STAB1: variants seen among roughly 807,000 people sequenced by gnomAD.
The protein encoded by STAB1 is stabilin-1.
A neutral mutation model predicts 332.4 loss-of-function variants in STAB1; 250 were observed. That is an observed-to-expected ratio of 0.75 (90% CI 0.68 to 0.84). The LOEUF (loss-of-function observed/expected upper bound fraction) is 0.84. Ranked by LOEUF, STAB1 falls within the 40% of genes least tolerant of loss-of-function variation. The probability of loss-of-function intolerance (pLI) is 0.00; values close to 1 mark genes in which losing one functional copy is unlikely to be tolerated. For missense variants in STAB1, 3,249 were observed against 3,489.7 expected (o/e 0.93, Z 1.74); for synonymous variants, 1,475 against 1,390.4 (o/e 1.06, Z -1.35).
intron 1 of STAB1, among the ~76,000 whole-genome samples, chr3:52,499,178 C>T (rs1279083802): frequency 6.6e-6 from 1 of 152,266 alleles, no homozygotes; most frequent in Admixed American, 6.5e-5. Context: ...CCAAAGCCTC[C>T]CAAACACCTC....
chr3:52,521,878 C>A lies in STAB1; in HGVS notation c.6198C>A (p.Pro2066=). 1 of 1,605,528 alleles carries A rather than the reference C, an allele frequency of 6.2e-7. No individual in the cohort carries two copies. The highest frequency in any genetic ancestry group is 8.5e-7 in the Non-Finnish European group (1 of 1,174,986). Residue 2066 remains proline, a synonymous_variant, in exon 58 of 69, where the codon CCC becomes CCA. Transcript: ENST00000321725. ...LQPVCTPPCA[P]EAVCRAGNSC... ...CTGTGTGTACCCCACCCTGTGCACCCGAGGCTGTGTGCCGTGCAGGCAACA... is the reference window on the plus strand; with the variant it reads ...CTGTGTGTACCCCACCCTGTGCACCAGAGGCTGTGTGCCGTGCAGGCAACA...
intron 10 of STAB1, 152 bp downstream of exon 10, chr3:52,504,307 G>A: frequency 7.0e-7 from 1 of 1,422,056 alleles, no homozygotes; most frequent in Non-Finnish European, 9.5e-7. Context: ...GGGGGTGGGA[G>A]CTGCTCTCCA....
At chr3:52,506,878 C>G in intron 18 of STAB1, 28 bp downstream of exon 18, 2 of 1,609,472 alleles carry the variant, frequency 1.2e-6, no homozygotes, top group Non-Finnish European at 1.7e-6. Flanking sequence ...GGCCAGGGCC[C>G]TACTCACTAA....
At chr3:52,521,977 G>A (rs2079088045) in intron 58 of STAB1, 26 bp downstream of exon 58, 4 of 1,606,846 alleles carry the variant, frequency 2.5e-6, no homozygotes, top group Middle Eastern at 1.7e-4. Context: ...GGGACATGGA[G>A]GTGGGAGGCC....
chr3:52,516,262 G>A (rs754724516), intron 38 of STAB1, 24 bp downstream of exon 38: 3 of 1,587,530 alleles, frequency 1.9e-6, no homozygotes, highest in Non-Finnish European at 2.6e-6. Flanking sequence ...AGGGGCGGGG[G>A]TGGGCCTCCT....
Position 52,522,106 on chromosome 3 carries a change from T to C in STAB1, c.6341T>C (p.Met2114Thr). 9 of 1,613,114 alleles carry C rather than the reference T, an allele frequency of 5.6e-6. No individual in the cohort carries two copies. Among genetic ancestry groups the C allele is most frequent in the Non-Finnish European group, 7.6e-6 (9 of 1,180,012 alleles). The change falls in exon 59 of 69, where the codon ATG (methionine) becomes ACG (threonine). Residue 2114 changes from methionine (M) to threonine (T), a missense_variant. Met to Thr is a moderately conservative substitution (Grantham distance 81). Coordinates refer to ENST00000321725, the MANE Select transcript of STAB1 (RefSeq NM_015136.3). ...EHANCSQVGT[M>T]VTCTCLPDYE... ...GCCAACTGTAGCCAGGTAGGAACAATGGTCACTTGTACCTGCCTGCCCGAC... is the reference window on the plus strand; with the variant it reads ...GCCAACTGTAGCCAGGTAGGAACAACGGTCACTTGTACCTGCCTGCCCGAC...
chr3:52,501,865 C>T (rs1042915858), intron 3 of STAB1, 112 bp downstream of exon 3: 2 of 1,363,184 alleles, frequency 1.5e-6, no homozygotes, highest in Non-Finnish European at 2.0e-6. Flanking sequence ...TTAATTAATA[C>T]TCACCGAGCG....
chr3:52,514,934 G>A lies in STAB1; in HGVS notation c.3808-55G>A, dbSNP rs1031717137. 18 of 1,612,290 alleles carry A rather than the reference G, an allele frequency of 1.1e-5. No individual in the cohort carries two copies. The African/African-American group carries it at 2.3e-4, about 20-fold the overall frequency. On this transcript the variant is annotated intron_variant, in intron 35 of 68. Transcript: ENST00000321725. The stretch of plus-strand genomic sequence containing the variant: ...GGCGCATGGTCAGTCTGTCCTGGAG[G>A]AAGGGCAGGGATCCAGGCCTGGACT...
intron 63 of STAB1, 25 bp from the exon 64 acceptor site, chr3:52,523,197 T>C (rs1242088805): frequency 1.2e-6 from 2 of 1,612,672 alleles, no homozygotes; most frequent in Non-Finnish European, 1.7e-6. Context: ...AGCCTGCTCA[T>C]AGTTCTGTCT....
At position 52,495,623 on chromosome 3, in the gene STAB1, G is replaced by C. The variant is rs546277634; in HGVS notation, c.78+132G>C. 99 of 810,248 alleles carry C rather than the reference G, an allele frequency of 1.2e-4. No individual in the cohort carries two copies. In the African/African-American group the frequency reaches 1.6e-3, roughly 13 times the overall value. 50.2% of individuals were successfully genotyped at this position (810,248 alleles called of 1,614,324 possible). On this transcript the variant is annotated intron_variant, in intron 1 of 68. Transcript: ENST00000321725. ...CAGCTGGCGCCTGTCTGGCCTCTTAGCAGGCCTGGGGGCTGGCTATTGTGC... is the reference window on the plus strand; with the variant it reads ...CAGCTGGCGCCTGTCTGGCCTCTTACCAGGCCTGGGGGCTGGCTATTGTGC...
intron 9 of STAB1, 39 bp from the exon 10 acceptor site, chr3:52,503,989 C>T (rs745628931): frequency 6.2e-7 from 1 of 1,609,642 alleles, no homozygotes; most frequent in Non-Finnish European, 8.5e-7. Context: ...TGGGGGGGGC[C>T]TCAGCCTCCG....
At position 52,522,946 on chromosome 3, in the gene STAB1, TCCACCCGA is replaced by T; in HGVS notation, c.6910+10_6910+17del. On this transcript the variant is annotated splice_region_variant and intron_variant, in intron 62 of 68. Transcript: ENST00000321725. ...CTACTGCTTCCGTGTGCAAGGTGTG[TCCACCCGA>T]CCAAACCCTACTTCCCCTGCTCTGC... The T allele has an allele frequency of 1.2e-6, 2 of 1,611,392 alleles. No individual in the cohort carries two copies. The highest frequency in any genetic ancestry group is 1.7e-6 in the Non-Finnish European group (2 of 1,178,458).
chr3:52,505,114 GC>G lies in STAB1; in HGVS notation c.1494del (p.Ser499LeufsTer61). 10 of 1,613,284 alleles carry G rather than the reference GC, an allele frequency of 6.2e-6. No homozygotes were observed. The highest frequency in any genetic ancestry group is 8.5e-6 in the Non-Finnish European group (10 of 1,179,906). On this transcript the variant is annotated frameshift_variant, in exon 13 of 69. Transcript: ENST00000321725. LOFTEE classifies it high-confidence loss of function. ...FHVVTGLRWQ[A>X]PSGTPGDPKR... is the part of the protein sequence containing the mutation. ...CGTGGTCACTGGCCTGCGGTGGCAG[GC>G]CCCCTCTGGGACCCCTGGGGATCCC...
At position 52,507,676 on chromosome 3, in the gene STAB1, G is replaced by C. The variant is rs149181786; in HGVS notation, c.2052+1G>C. 1 of 1,613,558 alleles carries C rather than the reference G, an allele frequency of 6.2e-7. No homozygotes were observed. The highest frequency in any genetic ancestry group is 8.5e-7 in the Non-Finnish European group (1 of 1,180,010). ...GTGTCCCCCCAACAGTGTGAAGCTG[G>C]TGAGCACACCTTGGCCCAGCTCTCA... is the stretch of plus-strand genomic sequence containing the variant. On this transcript the variant is annotated splice_donor_variant, in intron 19 of 68. Transcript: ENST00000321725. LOFTEE classifies it high-confidence loss of function.
chr3:52,496,772 G>T (rs950407918), intron 1 of STAB1, among the ~76,000 whole-genome samples: 1 of 152,140 alleles, frequency 6.6e-6, no homozygotes, highest in South Asian at 2.1e-4. Flanking sequence ...CCTCAGATTC[G>T]AGTTTTTTCC....
chr3:52,515,910 C>A, intron 37 of STAB1, 133 bp from the exon 38 acceptor site: 1 of 1,010,998 alleles, frequency 9.9e-7, no homozygotes, highest in Non-Finnish European at 1.4e-6. Flanking sequence ...CAGCTCTGAG[C>A]TGCTCATCCC....
intron 12 of STAB1, 35 bp downstream of exon 12, chr3:52,504,911 G>A (rs1477935826): frequency 6.2e-7 from 1 of 1,613,248 alleles, no homozygotes; most frequent in African/African-American, 1.3e-5. Context: ...GACAAGAGGA[G>A]TCACAGCCTG....
chr3:52,508,028 T>C lies in STAB1; in HGVS notation c.2148+2T>C, dbSNP rs1575321429. On this transcript the variant is annotated splice_donor_variant, in intron 20 of 68. Coordinates refer to ENST00000321725, the MANE Select transcript of STAB1 (RefSeq NM_015136.3). LOFTEE classifies it high-confidence loss of function. ...AGCTACTGCAACCAAACCATCATGG[T>C]AAGCGTGGGCATGGGTGCCCACTCC... is the stretch of plus-strand genomic sequence containing the variant. 6.2e-7 allele frequency: 1 copy of C among 1,613,026 alleles called. No individual in the cohort carries two copies. The highest frequency in any genetic ancestry group is 8.5e-7 in the Non-Finnish European group (1 of 1,179,736).
In STAB1 at chr3:52,521,671, G is replaced by A. The variant is rs1330558532; in HGVS notation, c.6134G>A (p.Trp2045Ter). The change falls in exon 57 of 69, where the codon TGG becomes TAG. Residue 2045 changes from tryptophan to a stop codon, truncating the protein, a stop_gained. Coordinates refer to ENST00000321725, the MANE Select transcript of STAB1 (RefSeq NM_015136.3). LOFTEE classifies it high-confidence loss of function. The stretch of plus-strand genomic sequence containing the variant: ...GGCTCCTGCTTCTGTGATGAAGGCT[G>A]GACTGGGCCACGCTGTGAGGTGCAA... ...GSGSCFCDEG[W>*]TGPRCEVQLE... The A allele has an allele frequency of 4.3e-6, 7 of 1,612,980 alleles. No individual in the cohort carries two copies. The highest frequency in any genetic ancestry group is 2.2e-5 in the East Asian group (1 of 44,860).
Sources: gnomAD v4.1 joint callset for allele counts (sites outside exome capture counted in the v4.1 genomes callset) on GRCh38, gnomAD v4.1.1 for gene constraint, MANE v1.5 for transcripts, NCBI Gene and HGNC (gene_info 2026-07-23, HGNC 2026-07-21) for gene names.